Variants in FOXJ1 observed in about 807,000 individuals in gnomAD.
FOXJ1 encodes the protein forkhead box protein J1.
Under a neutral mutation model 29.3 loss-of-function variants are expected in FOXJ1, and 8 were observed. That is an observed-to-expected ratio of 0.27 (90% CI 0.16 to 0.49). The LOEUF (loss-of-function observed/expected upper bound fraction) is 0.49, where lower values mean the gene tolerates loss of function less well. FOXJ1 is among the 20% of genes least tolerant of loss of function. The pLI, the probability that FOXJ1 is intolerant of heterozygous loss-of-function variation, is 0.98. For missense variants in FOXJ1, 539 were observed against 595.5 expected (o/e 0.91, Z 0.99); for synonymous variants, 280 against 278.7 (o/e 1.00, Z -0.05).
chr17:76,138,984 T>G (rs2068498459), intron 2 of FOXJ1, among the ~76,000 whole-genome samples: 2 of 152,204 alleles, frequency 1.3e-5, no homozygotes, highest in Admixed American at 1.3e-4. Flanking sequence ...CTTAGGGCAC[T>G]GCCTACCCAG....
chr17:76,136,364 CTT>C lies in FOXJ1; in HGVS notation c.*987_*988del, dbSNP rs902298362. On this transcript the variant is annotated 3_prime_UTR_variant, in exon 3 of 3. Coordinates refer to ENST00000322957, the MANE Select transcript of FOXJ1 (RefSeq NM_001454.4). This position sits in a 1 kb window ranked among gnomAD's most constrained non-coding sequence, Gnocchi z 4.9. ...TTTTTAAAAATTTTATTTTTAAAAA[CTT>C]TTCATTGTAAATAACTTTCATGAAA... is the stretch of plus-strand genomic sequence containing the variant. 20 of 152,154 alleles carry C rather than the reference CTT, an allele frequency of 1.3e-4. No homozygotes were observed. Among genetic ancestry groups the C allele is most frequent in the African/African-American group, 4.1e-4 (17 of 41,434 alleles). 9.4% of individuals were successfully genotyped at this position (152,154 alleles called of 1,614,324 possible).
rs1293429792 is a variant in FOXJ1 at position 76,139,969 on chromosome 17, T to C, written c.427A>G (p.Thr143Ala). The C allele has an allele frequency of 9.9e-6, 16 of 1,612,678 alleles. No homozygotes were observed. Among genetic ancestry groups the C allele is most frequent in the African/African-American group, 1.3e-5 (1 of 74,656 alleles). The change falls in exon 2 of 3, where the codon ACC (threonine) becomes GCC (alanine). Residue 143 changes from threonine (T) to alanine (A), a missense_variant. By Grantham distance (58) the Thr-to-Ala change is moderately conservative (BLOSUM62 0). Coordinates refer to ENST00000322957, the MANE Select transcript of FOXJ1 (RefSeq NM_001454.4). The surrounding 1 kb of genome is among the most constrained non-coding windows in gnomAD (Gnocchi z 6.6). ...AMQASKATKITLSAIYKWITD... is the reference protein window; with the variant it reads ...AMQASKATKIALSAIYKWITD... ...ATCCACTTGTAGATGGCCGACAGGG[T>C]GATCTTGGTGGCCTTGCTGGCCTGC...
Position 76,140,234 on chromosome 17 carries a change from C to A in FOXJ1, c.162G>T (p.Pro54=), listed in dbSNP as rs762099136. 1.4e-6 allele frequency: 2 copies of A among 1,457,454 alleles called. No homozygotes were observed. Among genetic ancestry groups the A allele is most frequent in the East Asian group, 5.3e-5 (2 of 37,974 alleles). 90.3% of individuals were successfully genotyped at this position (1,457,454 alleles called of 1,614,324 possible). The change falls in exon 2 of 3, where the codon CCG becomes CCT. Residue 54 remains proline, a synonymous_variant. Coordinates refer to ENST00000322957, the MANE Select transcript of FOXJ1 (RefSeq NM_001454.4). The surrounding 1 kb of genome is among the most constrained non-coding windows in gnomAD (Gnocchi z 8.0). ...GGTAGCCGTGGGGGTCGGTGCCCCC[C>A]GGGGGCAGGGCGGGGGCCTTGGCGT... is the stretch of plus-strand genomic sequence containing the variant. The part of the protein sequence containing the change: ...ILNAKAPALP[P]GGTDPHGYHQ...
chr17:76,137,511 G>C lies in FOXJ1; in HGVS notation c.1108C>G (p.Leu370Val). The change falls in exon 3 of 3, where the codon CTG becomes GTG. Residue 370 changes from leucine to valine, a missense_variant. Coordinates refer to ENST00000322957, the MANE Select transcript of FOXJ1 (RefSeq NM_001454.4). This position sits in a 1 kb window ranked among gnomAD's most constrained non-coding sequence, Gnocchi z 9.5. ...GPSVEQAADS[L>V]DFDETFLATS... is the part of the protein sequence containing the mutation. Reference sequence around the variant, plus strand: ...GCCAGGAAGGTCTCATCGAAGTCCAGGCTGTCGGCAGCCTGCTCCACCGAA... The same window carrying C: ...GCCAGGAAGGTCTCATCGAAGTCCACGCTGTCGGCAGCCTGCTCCACCGAA... 1.0e-5 allele frequency: 16 copies of C among 1,589,174 alleles called. No homozygotes were observed. The highest frequency in any genetic ancestry group is 1.3e-5 in the Non-Finnish European group (15 of 1,168,338).
In FOXJ1 at chr17:76,139,568, C is replaced by G. The variant is rs1412095431; in HGVS notation, c.498+330G>C. ...AAGAATGCGCCTTCAGTTCATCGCT[C>G]TCCCCAAGGAGATTCTGTCCACGCA... On this transcript the variant is annotated intron_variant, in intron 2 of 2. Transcript: ENST00000322957. The surrounding 1 kb of genome is among the most constrained non-coding windows in gnomAD (Gnocchi z 6.6). Among the ~76,000 whole-genome samples, 1 of 152,190 alleles carries G rather than the reference C, an allele frequency of 6.6e-6. No individual in the cohort carries two copies. The highest frequency in any genetic ancestry group is 1.5e-5 in the Non-Finnish European group (1 of 68,032).
At chr17:76,138,469 C>G (rs2068494262) in intron 2 of FOXJ1, among the ~76,000 whole-genome samples, 1 of 152,152 alleles carries the variant, frequency 6.6e-6, no homozygotes, top group Admixed American at 6.5e-5. Context: ...CCTCGGCTCC[C>G]CCAGGGCCTG....
rs1193136776 is a variant in FOXJ1 at position 76,140,434 on chromosome 17, G to A, written c.-39C>T. On this transcript the variant is annotated 5_prime_UTR_variant, in exon 2 of 3. Transcript: ENST00000322957. This position sits in a 1 kb window ranked among gnomAD's most constrained non-coding sequence, Gnocchi z 8.0. ...CTCCGAGGGGGCGGTCAGCATCCAC[G>A]GGCTGAGCCGGGGGTGGCCCGCCGC... The A allele has an allele frequency of 7.2e-7, 1 of 1,384,482 alleles. No homozygotes were observed. The highest frequency in any genetic ancestry group is 9.3e-7 in the Non-Finnish European group (1 of 1,078,336). 85.8% of individuals were successfully genotyped at this position (1,384,482 alleles called of 1,614,324 possible). A position where few individuals can be genotyped will look rare whatever the true frequency, so the allele number is the denominator to read the frequency against.
At position 76,138,621 on chromosome 17, in the gene FOXJ1, G is replaced by A. The variant is rs577220591; in HGVS notation, c.499-501C>T. Reference sequence around the variant, plus strand: ...AGGGATGAGAGGTGGGGGATCTGATGACTTTCCTTGTTTGTTGAGCCGGCT... The same window carrying A: ...AGGGATGAGAGGTGGGGGATCTGATAACTTTCCTTGTTTGTTGAGCCGGCT... On this transcript the variant is annotated intron_variant, in intron 2 of 2. Coordinates refer to ENST00000322957, the MANE Select transcript of FOXJ1 (RefSeq NM_001454.4). Among the ~76,000 whole-genome samples the A allele has an allele frequency of 6.6e-5, 10 of 152,212 alleles. No individual in the cohort carries two copies. The East Asian group carries it at 1.9e-3, about 29-fold the overall frequency.
chr17:76,140,155 A>C lies in FOXJ1; in HGVS notation c.241T>G (p.Cys81Gly). The C allele has an allele frequency of 1.3e-6, 2 of 1,510,316 alleles. No individual in the cohort carries two copies. The highest frequency in any genetic ancestry group is 1.8e-6 in the Non-Finnish European group (2 of 1,140,788). The allele number at this position is 1,510,316 out of a possible 1,614,324, so 93.6% of individuals were successfully genotyped here. ...PGSPLAADPA[C>G]LGQPHTPGKP... ...CCCGGCGTGTGTGGCTGCCCCAGGC[A>C]GGCGGGGTCGGCCGCCAGGGGGGAC... The change falls in exon 2 of 3, where the codon TGC (cysteine) becomes GGC (glycine). Residue 81 changes from cysteine (C) to glycine (G), a missense_variant. By Grantham distance (159) the Cys-to-Gly change is radical. Around this residue, in one of 3 missense-constraint regions of FOXJ1, gnomAD observed 178 missense variants for 254.4 expected, o/e 0.70. Transcript: ENST00000322957. This position sits in a 1 kb window ranked among gnomAD's most constrained non-coding sequence, Gnocchi z 8.0.
In FOXJ1 at chr17:76,140,172, A is replaced by G. The variant is rs1364290580; in HGVS notation, c.224T>C (p.Leu75Pro). 1 of 1,464,868 alleles carries G rather than the reference A, an allele frequency of 6.8e-7. No individual in the cohort carries two copies. The highest frequency in any genetic ancestry group is 2.8e-5 in the Admixed American group (1 of 35,234). The allele number at this position is 1,464,868 out of a possible 1,614,324, so 90.7% of individuals were successfully genotyped here. ...VPGSAAPGSP[L>P]AADPACLGQP... is the part of the protein sequence containing the mutation. ...CCCCAGGCAGGCGGGGTCGGCCGCC[A>G]GGGGGGACCCGGGCGCCGCTGAACC... The change falls in exon 2 of 3, where the codon CTG (leucine) becomes CCG (proline). Residue 75 changes from leucine to proline, a missense_variant. Physicochemically the swap from Leu to Pro is moderately conservative, Grantham distance 98. Around this residue, in one of 3 missense-constraint regions of FOXJ1, gnomAD observed 178 missense variants for 254.4 expected, o/e 0.70. Transcript: ENST00000322957. The surrounding 1 kb of genome is among the most constrained non-coding windows in gnomAD (Gnocchi z 8.0).
Position 76,137,392 on chromosome 17 carries a change from G to A in FOXJ1, c.1227C>T (p.Ser409=), listed in dbSNP as rs373797631. The A allele has an allele frequency of 4.5e-4, 684 of 1,525,876 alleles. 1 individual carries two copies. The highest frequency in any genetic ancestry group is 5.6e-4 in the Non-Finnish European group (633 of 1,140,072). The allele number at this position is 1,525,876 out of a possible 1,614,324, so 94.5% of individuals were successfully genotyped here. The change falls in exon 3 of 3, where the codon TCC becomes TCT. Residue 409 remains serine (S), a synonymous_variant. Coordinates refer to ENST00000322957, the MANE Select transcript of FOXJ1 (RefSeq NM_001454.4). This position sits in a 1 kb window ranked among gnomAD's most constrained non-coding sequence, Gnocchi z 9.5. ...CCACGCTGGCCCAGTCCTGCAGGTC[G>A]GAGGCCAGGGTGGCATCCCCAGCCT... ...LFEAGDATLA[S]DLQDWASVGA...
Position 76,140,579 on chromosome 17 carries a change from G to A in FOXJ1, c.-169-15C>T. ...GTATGTGGTGCCTGCGAGGACCACG[G>A]TGGGAGCTGAGCACTACCCCACCCC... On this transcript the variant is annotated splice_polypyrimidine_tract_variant and intron_variant, in intron 1 of 2. Transcript: ENST00000322957. The surrounding 1 kb of genome is among the most constrained non-coding windows in gnomAD (Gnocchi z 8.0). 4 of 546,494 alleles carry A rather than the reference G, an allele frequency of 7.3e-6. No individual in the cohort carries two copies. Among genetic ancestry groups the A allele is most frequent in the Non-Finnish European group, 1.2e-5 (4 of 322,510 alleles). The allele number at this position is 546,494 out of a possible 1,614,324, so 33.9% of individuals were successfully genotyped here. A position where few individuals can be genotyped will look rare whatever the true frequency, so the allele number is the denominator to read the frequency against.
Position 76,140,390 on chromosome 17 carries a change from C to A in FOXJ1, c.6G>T (p.Ala2=). The A allele has an allele frequency of 6.8e-7, 1 of 1,470,772 alleles. No homozygotes were observed. Among genetic ancestry groups the A allele is most frequent in the South Asian group, 1.3e-5 (1 of 75,770 alleles). The allele number at this position is 1,470,772 out of a possible 1,614,324, so 91.1% of individuals were successfully genotyped here. A position where few individuals can be genotyped will look rare whatever the true frequency, so the allele number is the denominator to read the frequency against. The change falls in exon 2 of 3, where the codon GCG becomes GCT. Residue 2 remains alanine (A), a synonymous_variant. Transcript: ENST00000322957. This position sits in a 1 kb window ranked among gnomAD's most constrained non-coding sequence, Gnocchi z 8.0. ...CTCCCGAGAGGCGCAGCCAGCTCTC[C>A]GCCATGTCTGCGGGGACTCTCCGAG... The part of the protein sequence containing the change: M[A]ESWLRLSGAG...
Position 76,140,219 on chromosome 17 carries a change from G to A in FOXJ1, c.177C>T (p.Pro59=), listed in dbSNP as rs761065717. 13 of 1,452,420 alleles carry A rather than the reference G, an allele frequency of 9.0e-6. No homozygotes were observed. In the South Asian group the frequency reaches 1.5e-4, roughly 17 times the overall value. The allele number at this position is 1,452,420 out of a possible 1,614,324, so 90.0% of individuals were successfully genotyped here. ...AACCTGGCACCTGGTGGTAGCCGTG[G>A]GGGTCGGTGCCCCCCGGGGGCAGGG... ...APALPPGGTD[P]HGYHQVPGSA... The change falls in exon 2 of 3, where the codon CCC becomes CCT. Residue 59 remains proline (P), a synonymous_variant. Coordinates refer to ENST00000322957, the MANE Select transcript of FOXJ1 (RefSeq NM_001454.4). The surrounding 1 kb of genome is among the most constrained non-coding windows in gnomAD (Gnocchi z 8.0).
Position 76,140,217 on chromosome 17 carries a change from TGGGGGTCGGTGCCCCCCG to T in FOXJ1, c.161_178del (p.Pro54_Pro59del). ...TGAACCTGGCACCTGGTGGTAGCCG[TGGGGGTCGGTGCCCCCCG>T]GGGGCAGGGCGGGGGCCTTGGCGTT... On this transcript the variant is annotated inframe_deletion, in exon 2 of 3. Coordinates refer to ENST00000322957, the MANE Select transcript of FOXJ1 (RefSeq NM_001454.4). This position sits in a 1 kb window ranked among gnomAD's most constrained non-coding sequence, Gnocchi z 8.0. The T allele has an allele frequency of 2.1e-5, 31 of 1,448,860 alleles. No individual in the cohort carries two copies. Among genetic ancestry groups the T allele is most frequent in the Non-Finnish European group, 2.8e-5 (31 of 1,111,268 alleles). 89.8% of individuals were successfully genotyped at this position (1,448,860 alleles called of 1,614,324 possible). A position where few individuals can be genotyped will look rare whatever the true frequency, so the allele number is the denominator to read the frequency against.
chr17:76,137,673 C>T lies in FOXJ1; in HGVS notation c.946G>A (p.Asp316Asn), dbSNP rs777253568. ...KGNFDWEAIF[D>N]AGTLGGELGA... is the part of the protein sequence containing the mutation. Reference sequence around the variant, plus strand: ...AGCTCCCCGCCCAGAGTGCCGGCGTCGAAGATGGCCTCCCAGTCAAAGTTG... The same window carrying T: ...AGCTCCCCGCCCAGAGTGCCGGCGTTGAAGATGGCCTCCCAGTCAAAGTTG... The change falls in exon 3 of 3, where the codon GAC becomes AAC. Residue 316 changes from aspartate to asparagine, a missense_variant. Transcript: ENST00000322957. The surrounding 1 kb of genome is among the most constrained non-coding windows in gnomAD (Gnocchi z 9.5). 14 of 1,612,456 alleles carry T rather than the reference C, an allele frequency of 8.7e-6. No homozygotes were observed. The highest frequency in any genetic ancestry group is 1.2e-5 in the Non-Finnish European group (14 of 1,179,658).
rs370851076 is a variant in FOXJ1 at position 76,137,175 on chromosome 17, G to C, written c.*178C>G. On this transcript the variant is annotated 3_prime_UTR_variant, in exon 3 of 3. Transcript: ENST00000322957. This position sits in a 1 kb window ranked among gnomAD's most constrained non-coding sequence, Gnocchi z 9.5. The stretch of plus-strand genomic sequence containing the variant: ...TTCTGGTCCTGGGCCCTCGTTTTCA[G>C]CCTCCTGGGCTTGAATCTGATGGCA... The C allele has an allele frequency of 1.5e-5, 8 of 527,996 alleles. No homozygotes were observed. Among genetic ancestry groups the C allele is most frequent in the South Asian group, 1.3e-4 (3 of 23,842 alleles). 32.7% of individuals were successfully genotyped at this position (527,996 alleles called of 1,614,324 possible). A position where few individuals can be genotyped will look rare whatever the true frequency, so the allele number is the denominator to read the frequency against.
chr17:76,137,059 CA>C lies in FOXJ1; in HGVS notation c.*293del. 1 of 325,300 alleles carries C rather than the reference CA, an allele frequency of 3.1e-6. No homozygotes were observed. Among genetic ancestry groups the C allele is most frequent in the Non-Finnish European group, 5.6e-6 (1 of 179,602 alleles). 20.2% of individuals were successfully genotyped at this position (325,300 alleles called of 1,614,324 possible). ...CCTCCAGGCCTCGGCTCTCATGGTG[CA>C]GGGTCCTTTAGCCGGTTTCTGGGGC... is the stretch of plus-strand genomic sequence containing the variant. On this transcript the variant is annotated 3_prime_UTR_variant, in exon 3 of 3. Transcript: ENST00000322957. This position sits in a 1 kb window ranked among gnomAD's most constrained non-coding sequence, Gnocchi z 9.5.
At chr17:76,138,816 G>C (rs1313770484) in intron 2 of FOXJ1, among the ~76,000 whole-genome samples, 1 of 152,184 alleles carries the variant, frequency 6.6e-6, no homozygotes, top group Non-Finnish European at 1.5e-5. Context: ...CTTTTTCGGT[G>C]CAGCTGCAAA....
Sources: allele counts gnomAD v4.1 joint callset (sites outside exome capture counted in the v4.1 genomes callset), GRCh38; gene constraint gnomAD v4.1.1; regional missense constraint gnomAD v4.1.1; non-coding constraint Gnocchi (gnomAD v3.1); transcripts MANE v1.5; gene names NCBI Gene and HGNC (gene_info 2026-07-23, HGNC 2026-07-21).